Variants in COL4A3 observed in about 807,000 individuals in gnomAD.
The protein encoded by COL4A3 is collagen type IV alpha 3 chain.
Under a neutral mutation model 217.4 loss-of-function variants are expected in COL4A3, and 135 were observed. The ratio of observed to expected loss-of-function variants is 0.62; its 90% CI spans 0.54 to 0.72. The LOEUF (loss-of-function observed/expected upper bound fraction) is 0.72, where lower values mean the gene tolerates loss of function less well. Among genes scored for constraint, COL4A3 ranks in the 30% least tolerant of loss-of-function variants. The pLI is 0.00. For synonymous variants in COL4A3, 690 were observed against 736.3 expected (o/e 0.94, Z 1.02); for missense variants, 1,868 against 2,119.9 (o/e 0.88, Z 2.33).
chr2:227,268,463 C>G (rs1263993141), intron 23 of COL4A3: 3 of 152,248 alleles, frequency 2.0e-5, no homozygotes, highest in Admixed American at 6.5e-5. Flanking sequence ...GAACATTATA[C>G]ATTATCACTG....
At chr2:227,304,395 A>AT (rs1293216191) in intron 46 of COL4A3, 5 of 482,118 alleles carry the variant, frequency 1.0e-5, no homozygotes, top group Non-Finnish European at 1.9e-5. Context: ...TTTTTTTATT[A>AT]TTTTTTATTA....
At chr2:227,259,662 T>A in intron 18 of COL4A3, 131 bp from the exon 19 acceptor site, 1 of 714,564 alleles carries the variant, frequency 1.4e-6, no homozygotes, top group Non-Finnish European at 2.5e-6. Flanking sequence ...CCTGCTAACA[T>A]GTAAACCTAT....
In COL4A3 at chr2:227,276,414, C is replaced by A. The variant is rs2071566860; in HGVS notation, c.1957C>A (p.Pro653Thr). ...TAGGGGAGAGCTCAGTGTTTCAACA[C>A]CAGTTCCAGGCCCACCAGGACCTCC... Reference protein sequence around the residue: ...GPRGELSVSTPVPGPPGPPGP... With the variant: ...GPRGELSVSTTVPGPPGPPGP... The change falls in exon 27 of 52, where the codon CCA becomes ACA. Residue 653 changes from proline to threonine, a missense_variant. Physicochemically the swap from Pro to Thr is conservative, Grantham distance 38. Coordinates refer to ENST00000396578, the MANE Select transcript of COL4A3 (RefSeq NM_000091.5). 1.2e-6 allele frequency: 2 copies of A among 1,614,196 alleles called. No individual in the cohort carries two copies. The highest frequency in any genetic ancestry group is 2.2e-5 in the South Asian group (2 of 91,082).
rs137862601 is a variant in COL4A3, at chr2:227,256,833, T to C, written c.987+437T>C. Reference sequence around the variant, plus strand: ...ATATGTTACAAATATTTTCAAATCATGTGTAGTCATGTGTTGCTTCAAGAT... The same window carrying C: ...ATATGTTACAAATATTTTCAAATCACGTGTAGTCATGTGTTGCTTCAAGAT... On this transcript the variant is annotated intron_variant, in intron 17 of 51. Transcript: ENST00000396578. Among the ~76,000 whole-genome samples, 3 of 152,346 alleles carry C rather than the reference T, an allele frequency of 2.0e-5. No homozygotes were observed. In the East Asian group the frequency reaches 5.8e-4, roughly 29 times the overall value.
chr2:227,209,804 T>G (rs1469566050), intron 1 of COL4A3, among the ~76,000 whole-genome samples: 1 of 152,144 alleles, frequency 6.6e-6, no homozygotes, highest in African/African-American at 2.4e-5. Context: ...ATCGTGCCAT[T>G]GCGCTCCAGC....
At chr2:227,254,833 T>A in intron 15 of COL4A3, 118 bp downstream of exon 15, 1 of 786,654 alleles carries the variant, frequency 1.3e-6, no homozygotes, top group Non-Finnish European at 2.2e-6. Flanking sequence ...TTCTGTTCTT[T>A]AAGATTTGGG....
chr2:227,255,610 G>T (rs983312547), intron 15 of COL4A3, among the ~76,000 whole-genome samples: 1 of 152,044 alleles, frequency 6.6e-6, no homozygotes, highest in Non-Finnish European at 1.5e-5. Flanking sequence ...GGCAGACCTG[G>T]GGTCCAAGGA....
chr2:227,267,399 TCTTTC>T (rs1357222165), intron 23 of COL4A3, among the ~76,000 whole-genome samples: 1 of 152,206 alleles, frequency 6.6e-6, no homozygotes, highest in Non-Finnish European at 1.5e-5. Context: ...ACACACACCC[TCTTTC>T]TCTTCCATAA....
chr2:227,225,416 T>C (rs1367970416), intron 1 of COL4A3, among the ~76,000 whole-genome samples: 1 of 152,206 alleles, frequency 6.6e-6, no homozygotes, highest in African/African-American at 2.4e-5. Context: ...GAAAAATGTG[T>C]CAGTTCCCAG....
intron 36 of COL4A3, among the ~76,000 whole-genome samples, chr2:227,290,504 A>G (rs974546382): frequency 6.6e-6 from 1 of 152,188 alleles, no homozygotes; most frequent in Admixed American, 6.5e-5. Flanking sequence ...CATCTCAAAA[A>G]AAACCAACAA....
Position 227,283,855 on chromosome 2 carries a change from G to A in COL4A3, c.2745G>A (p.Arg915=). 6.2e-7 allele frequency: 1 copy of A among 1,611,650 alleles called. No homozygotes were observed. Among genetic ancestry groups the A allele is most frequent in the East Asian group, 2.2e-5 (1 of 44,852 alleles). The change falls in exon 33 of 52, where the codon AGG becomes AGA. Residue 915 remains arginine (R), a splice_region_variant and synonymous_variant. Transcript: ENST00000396578. ...PPGNPGTPGQ[R]GSPGIPGVKG... is the part of the protein sequence containing the mutation. ...GGAACCCAGGCACACCAGGGCAGAG[G>A]GGTAAGTGATAGAGTGTCTTTCTAA...
At chr2:227,280,273 T>C (rs2071870574) in intron 29 of COL4A3, among the ~76,000 whole-genome samples, 167 bp from the exon 30 acceptor site, 1 of 152,218 alleles carries the variant, frequency 6.6e-6, no homozygotes, top group Non-Finnish European at 1.5e-5. Context: ...TCCTGAAGTA[T>C]TATTAAACAT....
chr2:227,176,907 G>A (rs930023364), intron 1 of COL4A3, among the ~76,000 whole-genome samples: 5 of 152,246 alleles, frequency 3.3e-5, no homozygotes, highest in African/African-American at 1.2e-4. Flanking sequence ...CTGATATTGG[G>A]AAAGCTAAAG....
intron 25 of COL4A3, 133 bp downstream of exon 25, chr2:227,271,085 AAATTAGCAGGAAT>A: frequency 1.2e-6 from 1 of 802,074 alleles, no homozygotes; most frequent in Non-Finnish European, 2.1e-6. Flanking sequence ...AAACATCTTC[AAATTAGCAGGAAT>A]AACCCAAGCA....
At position 227,211,649 on chromosome 2, in the gene COL4A3, T is replaced by TTTTATTTATTTATTTA. The variant is rs71036166; in HGVS notation, c.88-26308_88-26293dup. The stretch of plus-strand genomic sequence containing the variant: ...TAACATTTGGTGCTGTCAGACTTGA[T>TTTTATTTATTTATTTA]TTTATTTATTTATTTATTTATTTAT... On this transcript the variant is annotated intron_variant, in intron 1 of 51. Coordinates refer to ENST00000396578, the MANE Select transcript of COL4A3 (RefSeq NM_000091.5). Among the ~76,000 whole-genome samples the TTTTATTTATTTATTTA allele has an allele frequency of 8.6e-3, 1,286 of 150,070 alleles. 18 individuals carry two copies. Among genetic ancestry groups the TTTTATTTATTTATTTA allele is most frequent in the African/African-American group, 0.025 (1,019 of 40,580 alleles).
At chr2:227,291,686 T>G (rs2072752910) in intron 37 of COL4A3, among the ~76,000 whole-genome samples, 1 of 151,690 alleles carries the variant, frequency 6.6e-6, no homozygotes, top group African/African-American at 2.4e-5. Context: ...AATCCTAAGA[T>G]AGATACATTT....
rs2106274329 is a variant in COL4A3, at chr2:227,305,002, G to A, written c.4171G>A (p.Gly1391Ser). Residue 1391 changes from glycine to serine, a missense_variant, in exon 47 of 52, where the codon GGT becomes AGT. Physicochemically the swap from Gly to Ser is moderately conservative, Grantham distance 56 (BLOSUM62 0). Around this residue, in one of 2 missense-constraint regions of COL4A3, gnomAD observed 1,503 missense variants for 1,786.1 expected, o/e 0.84. Transcript: ENST00000396578. ...TTGCCTAGGACCCTGTGGGCCAAGA[G>A]GTAAGCCAGGCAAGGATGGAAAACC... ...PGNLGPCGPR[G>S]KPGKDGKPGT... 6.2e-7 allele frequency: 1 copy of A among 1,613,940 alleles called. No individual in the cohort carries two copies.
intron 1 of COL4A3, among the ~76,000 whole-genome samples, chr2:227,170,723 T>C (rs1226597973): frequency 1.3e-5 from 2 of 152,232 alleles, no homozygotes; most frequent in Non-Finnish European, 2.9e-5. Context: ...GTATGTATTT[T>C]TGTCTCATTA....
chr2:227,261,074 A>G lies in COL4A3; in HGVS notation c.1115-8A>G. The G allele has an allele frequency of 6.2e-7, 1 of 1,609,562 alleles. No homozygotes were observed. ...TCTAAGCAATTAATTAATGTTATAT[A>G]TTCCCAGGTCCCAGTGGTCCCCCCG... is the stretch of plus-strand genomic sequence containing the variant. On this transcript the variant is annotated splice_region_variant and splice_polypyrimidine_tract_variant and intron_variant, in intron 19 of 51. Transcript: ENST00000396578.
Sources: gnomAD v4.1 joint callset for allele counts (sites outside exome capture counted in the v4.1 genomes callset) on GRCh38, gnomAD v4.1.1 for gene constraint, gnomAD v4.1.1 regional missense constraint, MANE v1.5 for transcripts, NCBI Gene and HGNC (gene_info 2026-07-23, HGNC 2026-07-21) for gene names.